TAFA2: variants seen among roughly 807,000 people sequenced by gnomAD.
TAFA2 encodes TAFA chemokine like family member 2, also known as chemokine-like protein TAFA-2.
Under a neutral mutation model 18.8 loss-of-function variants are expected in TAFA2, and 7 were observed. The observed-to-expected ratio is 0.37, with a 90% confidence interval of 0.21 to 0.70. The LOEUF is 0.70. Ranked by LOEUF, TAFA2 falls within the 30% of genes least tolerant of loss-of-function variation. The probability of loss-of-function intolerance (pLI) is 0.53; values close to 1 mark genes in which losing one functional copy is unlikely to be tolerated. For missense variants in TAFA2, 122 were observed against 158.1 expected (o/e 0.77, Z 1.23); for synonymous variants, 60 against 54.2 (o/e 1.11, Z -0.47).
rs147657675 is a variant in TAFA2 at position 61,829,713 on chromosome 12, T to C, written c.106+37607A>G. 1.6e-3 allele frequency among the ~76,000 whole-genome samples: 250 copies of C among 151,714 alleles called. 4 individuals carry two copies. The East Asian group carries it at 0.039, about 24-fold the overall frequency. On this transcript the variant is annotated intron_variant, in intron 2 of 4. Transcript: ENST00000416284. ...GCCAAAAATATTTATAAAATATAAA[T>C]AGTAATTAAGTTAGAATAATAGAAG...
intron 1 of TAFA2, among the ~76,000 whole-genome samples, chr12:62,144,674 G>T (rs986855475): frequency 3.3e-5 from 5 of 152,090 alleles, no homozygotes; most frequent in Admixed American, 1.3e-4. Flanking sequence ...CCAAAAGAAG[G>T]CACCCTTAAT....
chr12:61,798,136 T>C (rs1871261871), intron 2 of TAFA2, among the ~76,000 whole-genome samples: 1 of 152,144 alleles, frequency 6.6e-6, no homozygotes, highest in Non-Finnish European at 1.5e-5. Flanking sequence ...GAACAATGTA[T>C]TCATATGTTT....
chr12:61,758,992 A>G (rs1387233416), intron 2 of TAFA2, among the ~76,000 whole-genome samples: 4 of 151,998 alleles, frequency 2.6e-5, no homozygotes, highest in Admixed American at 6.6e-5. Flanking sequence ...GTTCTCTTTC[A>G]TGGTCCTATA....
At chr12:62,243,482 C>T (rs2062871832) in intron 1 of TAFA2, among the ~76,000 whole-genome samples, 1 of 152,178 alleles carries the variant, frequency 6.6e-6, no homozygotes, top group Non-Finnish European at 1.5e-5. Context: ...AATACATACT[C>T]ATGACTATTT....
At chr12:62,008,073 G>A in intron 1 of TAFA2, among the ~76,000 whole-genome samples, 1 of 152,054 alleles carries the variant, frequency 6.6e-6, no homozygotes, top group East Asian at 1.9e-4. Context: ...AGATCATATG[G>A]TATGTGTCCT....
At chr12:62,222,129 A>T (rs1323447405) in intron 1 of TAFA2, among the ~76,000 whole-genome samples, 1 of 152,192 alleles carries the variant, frequency 6.6e-6, no homozygotes, top group African/African-American at 2.4e-5. Context: ...GAGACATTGC[A>T]TTGTAAGAAC....
At chr12:61,716,579 T>C (rs1189684238) in intron 4 of TAFA2, among the ~76,000 whole-genome samples, 1 of 152,164 alleles carries the variant, frequency 6.6e-6, no homozygotes, top group Non-Finnish European at 1.5e-5. Flanking sequence ...ATTAGCTTAA[T>C]TTAAAAAAAA....
chr12:61,724,150 T>A (rs189144137), intron 4 of TAFA2, among the ~76,000 whole-genome samples: 88 of 152,268 alleles, frequency 5.8e-4, no homozygotes, highest in African/African-American at 2.0e-3. Context: ...CTCTCCTGCT[T>A]TATTTTTCCT....
intron 1 of TAFA2, among the ~76,000 whole-genome samples, chr12:61,892,055 G>T (rs1343814892): frequency 6.6e-6 from 1 of 151,320 alleles, no homozygotes; most frequent in African/African-American, 2.4e-5. Flanking sequence ...CACAGTCCAA[G>T]CAAGTTATGA....
At chr12:62,204,443 C>T (rs1395666977) in intron 1 of TAFA2, among the ~76,000 whole-genome samples, 1 of 151,372 alleles carries the variant, frequency 6.6e-6, no homozygotes, top group Non-Finnish European at 1.5e-5. Flanking sequence ...TTCCAATCCC[C>T]TTGTCTCTTT....
intron 2 of TAFA2, among the ~76,000 whole-genome samples, chr12:61,818,023 T>C (rs1872157974): frequency 6.6e-6 from 1 of 152,138 alleles, no homozygotes; most frequent in Non-Finnish European, 1.5e-5. Context: ...GTGTCCAACA[T>C]CAGCTGTATC....
chr12:62,162,504 T>A (rs1445914158), intron 1 of TAFA2, among the ~76,000 whole-genome samples: 1 of 152,216 alleles, frequency 6.6e-6, no homozygotes, highest in African/African-American at 2.4e-5. Context: ...CCGTGATGCA[T>A]ATCACCTACT....
At chr12:62,116,393 G>A (rs149568552) in intron 1 of TAFA2, among the ~76,000 whole-genome samples, 1 of 152,244 alleles carries the variant, frequency 6.6e-6, no homozygotes, top group African/African-American at 2.4e-5. Flanking sequence ...TTATCACAAC[G>A]ACAGATGCTT....
chr12:62,220,424 C>A (rs902080789), intron 1 of TAFA2, among the ~76,000 whole-genome samples: 7 of 152,280 alleles, frequency 4.6e-5, no homozygotes, highest in South Asian at 4.1e-4. Context: ...TATAGAGCAA[C>A]AGGAACTGTC....
At chr12:61,830,348 C>T (rs907740328) in intron 2 of TAFA2, among the ~76,000 whole-genome samples, 1 of 150,892 alleles carries the variant, frequency 6.6e-6, no homozygotes, top group South Asian at 2.1e-4. Context: ...TACATACACA[C>T]ATATATATAC....
intron 2 of TAFA2, among the ~76,000 whole-genome samples, chr12:61,794,444 T>C (rs1043125615): frequency 5.9e-5 from 9 of 152,152 alleles, no homozygotes; most frequent in East Asian, 1.9e-4. Flanking sequence ...AAATATGAAA[T>C]ACTTTAGGAG....
chr12:61,744,948 A>T (rs1868631393), intron 4 of TAFA2, among the ~76,000 whole-genome samples: 1 of 152,098 alleles, frequency 6.6e-6, no homozygotes, highest in African/African-American at 2.4e-5. Flanking sequence ...GCCTTAATAT[A>T]TTAATCCATT....
intron 4 of TAFA2, among the ~76,000 whole-genome samples, chr12:61,746,111 C>T (rs1445356430): frequency 1.3e-5 from 2 of 152,080 alleles, no homozygotes; most frequent in Admixed American, 1.3e-4. Context: ...CCCCACATGT[C>T]AAGGGTGAGG....
intron 1 of TAFA2, among the ~76,000 whole-genome samples, chr12:61,933,106 G>T (rs1038988613): frequency 2.0e-5 from 3 of 152,128 alleles, no homozygotes; most frequent in Non-Finnish European, 4.4e-5. Context: ...AAGGAGTTCA[G>T]GGTAAAGGAG....
Sources: gnomAD v4.1 joint callset for allele counts (sites outside exome capture counted in the v4.1 genomes callset) on GRCh38, gnomAD v4.1.1 for gene constraint, MANE v1.5 for transcripts, NCBI Gene and HGNC (gene_info 2026-07-23, HGNC 2026-07-21) for gene names.